The following TRPM2 variants were observed in gnomAD, a reference collection of about 807,000 sequenced individuals.
TRPM2 encodes estrogen-responsive element-associated gene 1 protein.
Under a neutral mutation model 174.0 loss-of-function variants are expected in TRPM2, and 161 were observed. That is an observed-to-expected ratio of 0.93 (90% confidence interval 0.81 to 1.05). The LOEUF is 1.05. Among genes scored for constraint, TRPM2 ranks in the 50% least tolerant of loss-of-function variants. The pLI is 0.00. For synonymous variants in TRPM2, 954 were observed against 861.3 expected, an observed-to-expected ratio of 1.11 and a Z score of -1.88; for missense variants, 2,057 against 2,038.0, an observed-to-expected ratio of 1.01 and a Z score of -0.18.
chr21:44,406,853 C>T, intron 19 of TRPM2, 88 bp downstream of exon 19: 1 of 1,487,242 alleles, frequency 6.7e-7, no homozygotes, highest in South Asian at 1.2e-5. Context: ...GGGAGTGAGG[C>T]CGGCTCCATC....
At chr21:44,394,852 T>C (rs1164927763) in intron 11 of TRPM2, among the ~76,000 whole-genome samples, 2 of 152,330 alleles carry the variant, frequency 1.3e-5, no homozygotes, top group East Asian at 1.9e-4. Flanking sequence ...TGGTTTTTTT[T>C]CTACTTCTGG....
At chr21:44,408,185 G>A (rs2049970604) in intron 19 of TRPM2, among the ~76,000 whole-genome samples, 1 of 152,074 alleles carries the variant, frequency 6.6e-6, no homozygotes, top group Non-Finnish European at 1.5e-5. Context: ...GACCTCAGGT[G>A]ATCCACCCGC....
At chr21:44,414,423 G>A (rs1476096916) in intron 20 of TRPM2, among the ~76,000 whole-genome samples, 3 of 152,220 alleles carry the variant, frequency 2.0e-5, no homozygotes, top group Non-Finnish European at 4.4e-5. Context: ...CTTCTGCGCA[G>A]GCGCAGCATT....
rs930817328 is a variant in TRPM2, at chr21:44,369,335, C to T, written c.763C>T (p.His255Tyr). 2 of 1,610,692 alleles carry T rather than the reference C, an allele frequency of 1.2e-6. No homozygotes were observed. The highest frequency in any genetic ancestry group is 1.7e-6 in the Non-Finnish European group (2 of 1,178,036). Residue 255 changes from histidine to tyrosine, a missense_variant, in exon 5 of 32, where the codon CAT becomes TAT. By Grantham distance (83) the His-to-Tyr change is moderately conservative. Coordinates refer to ENST00000397928, the MANE Select transcript of TRPM2 (RefSeq NM_003307.4). ...GTVHRREGLI[H>Y]PTGSFPAEYI... Reference sequence around the variant, plus strand: ...TGTCCACCGCCGCGAGGGCCTGATCCATCCCACGGTGAGTGCGGCCCCCTA... The same window carrying T: ...TGTCCACCGCCGCGAGGGCCTGATCTATCCCACGGTGAGTGCGGCCCCCTA...
intron 8 of TRPM2, among the ~76,000 whole-genome samples, chr21:44,381,907 CAAAAA>C (rs751389057): frequency 3.0e-5 from 2 of 66,888 alleles, no homozygotes; most frequent in African/African-American, 7.9e-5. Flanking sequence ...AAGTCTGTCT[CAAAAA>C]AAAAAAAAAA....
chr21:44,359,923 T>A (rs914708328), intron 2 of TRPM2, among the ~76,000 whole-genome samples: 2 of 151,996 alleles, frequency 1.3e-5, no homozygotes, highest in African/African-American at 4.8e-5. Flanking sequence ...AATTTTTGTA[T>A]TTTTAGTAGA....
intron 24 of TRPM2, chr21:44,425,222 G>C (rs535096404): frequency 2.7e-5 from 12 of 444,498 alleles, no homozygotes; most frequent in Admixed American, 2.7e-4. Flanking sequence ...ACTGCAGAGT[G>C]GGGGTGCGAG....
At chr21:44,358,149 C>A (rs1602117799) in intron 2 of TRPM2, among the ~76,000 whole-genome samples, 1 of 152,348 alleles carries the variant, frequency 6.6e-6, no homozygotes. Context: ...ACTGCTTAGC[C>A]CCACGTCCTG....
chr21:44,405,894 C>T lies in TRPM2; in HGVS notation c.2658-11C>T. The T allele has an allele frequency of 6.3e-7, 1 of 1,599,322 alleles. No individual in the cohort carries two copies. On this transcript the variant is annotated splice_polypyrimidine_tract_variant and intron_variant, in intron 17 of 31. Transcript: ENST00000397928. ...GTGGCTGAGATGTGTGTGCTTCTGC[C>T]CGGCGGCCAGGCTCATCCCGGCGAC... is the stretch of plus-strand genomic sequence containing the variant.
intron 2 of TRPM2, among the ~76,000 whole-genome samples, chr21:44,359,076 GC>G (rs2048137943): frequency 3.3e-5 from 5 of 152,042 alleles, no homozygotes; most frequent in Admixed American, 6.5e-5. Flanking sequence ...ATTTTACAGA[GC>G]ACTGCTTGGT....
chr21:44,400,517 A>G (rs1370680997), intron 15 of TRPM2, 146 bp downstream of exon 15: 1 of 741,364 alleles, frequency 1.3e-6, no homozygotes, highest in African/African-American at 1.8e-5. Flanking sequence ...GGCTGTAGAG[A>G]TGGGGGTGGG....
rs1215109323 is a variant in TRPM2, at chr21:44,391,591, G to A, written c.1760G>A (p.Arg587Gln). 4 of 1,587,376 alleles carry A rather than the reference G, an allele frequency of 2.5e-6. No homozygotes were observed. The highest frequency in any genetic ancestry group is 1.1e-5 in the South Asian group (1 of 89,774). ...CGGCCCCGGCACAACGACCGGCTGC[G>A]GCTCCTGCTGCCCGTTCCCCACGTC... ...YPRPRHNDRL[R>Q]LLLPVPHVKL... The change falls in exon 11 of 32, where the codon CGG becomes CAG. Residue 587 changes from arginine to glutamine, a missense_variant. Arg to Gln is a conservative substitution (Grantham distance 43). Transcript: ENST00000397928. The surrounding 1 kb of genome is among the most constrained non-coding windows in gnomAD (Gnocchi z 5.0).
rs777199068 is a variant in TRPM2 at position 44,425,759 on chromosome 21, C to G, written c.3727C>G (p.Arg1243Gly). 2 of 1,595,384 alleles carry G rather than the reference C, an allele frequency of 1.3e-6. No homozygotes were observed. Among genetic ancestry groups the G allele is most frequent in the South Asian group, 1.1e-5 (1 of 89,278 alleles). ...GGGCGACAGCTACCACGTGAATGCC[C>G]GGCACCTCCTCTACCCCAACTGCCC... Reference protein sequence around the residue: ...EPGDSYHVNARHLLYPNCPVT... With the variant: ...EPGDSYHVNAGHLLYPNCPVT... The change falls in exon 25 of 32, where the codon CGG (arginine) becomes GGG (glycine). Residue 1243 changes from arginine (R) to glycine (G), a missense_variant. By Grantham distance (125) the Arg-to-Gly change is moderately radical. Transcript: ENST00000397928.
At chr21:44,422,354 C>T (rs755774890) in intron 22 of TRPM2, 39 of 1,535,972 alleles carry the variant, frequency 2.5e-5, no homozygotes, top group Middle Eastern at 1.7e-4. Context: ...TGGAATCACG[C>T]GGGTCCGAGA....
chr21:44,435,031 CG>C (rs2051183135), intron 27 of TRPM2, 99 bp from the exon 28 acceptor site: 1 of 1,173,302 alleles, frequency 8.5e-7, no homozygotes, highest in Admixed American at 1.9e-5. Context: ...CGCTGTGCGC[CG>C]GCTCCTGACG....
chr21:44,386,585 A>C (rs2049023728), intron 9 of TRPM2, among the ~76,000 whole-genome samples: 1 of 152,220 alleles, frequency 6.6e-6, no homozygotes, highest in Non-Finnish European at 1.5e-5. Flanking sequence ...TTGCTGAAAG[A>C]AATGAAAGAA....
chr21:44,438,608 T>C lies in TRPM2; in HGVS notation c.4168-459T>C, dbSNP rs1477772339. Among the ~76,000 whole-genome samples the C allele has an allele frequency of 6.6e-6, 1 of 151,846 alleles. No individual in the cohort carries two copies. Among genetic ancestry groups the C allele is most frequent in the Non-Finnish European group, 1.5e-5 (1 of 67,976 alleles). ...GCTGGGTCCCTGAGTCAGGTGGCGC[T>C]CGGGAGCGTCTGGGAGCCCAGCCAG... On this transcript the variant is annotated intron_variant, in intron 29 of 31. Coordinates refer to ENST00000397928, the MANE Select transcript of TRPM2 (RefSeq NM_003307.4). The surrounding 1 kb of genome is among the most constrained non-coding windows in gnomAD (Gnocchi z 5.9).
rs771959410 is a variant in TRPM2, at chr21:44,413,934, C to A, written c.3006C>A (p.Asp1002Glu). Residue 1002 changes from aspartate (D) to glutamate (E), a missense_variant, in exon 20 of 32, where the codon GAC becomes GAA. Asp to Glu is a conservative substitution (Grantham distance 45). Coordinates refer to ENST00000397928, the MANE Select transcript of TRPM2 (RefSeq NM_003307.4). ...NPEHCSPNGTDPYKPKCPESD... is the reference protein window; with the variant it reads ...NPEHCSPNGTEPYKPKCPESD... ...AGCACTGCAGCCCCAATGGCACCGACCCCTACAAGCCTAAGTGCCCCGAGA... is the reference window on the plus strand; with the variant it reads ...AGCACTGCAGCCCCAATGGCACCGAACCCTACAAGCCTAAGTGCCCCGAGA... 1.9e-6 allele frequency: 3 copies of A among 1,613,972 alleles called. No individual in the cohort carries two copies. The highest frequency in any genetic ancestry group is 2.5e-6 in the Non-Finnish European group (3 of 1,179,980).
Position 44,439,028 on chromosome 21 carries a change from G to T in TRPM2, c.4168-39G>T, listed in dbSNP as rs768914740. 3 of 1,571,656 alleles carry T rather than the reference G, an allele frequency of 1.9e-6. No homozygotes were observed. The highest frequency in any genetic ancestry group is 2.6e-6 in the Non-Finnish European group (3 of 1,147,702). ...CCAGGGCAGCCTGAGGTCCCGCTTC[G>T]GTGCCCTGTTGACCTGCCTCCGTCC... On this transcript the variant is annotated intron_variant, in intron 29 of 31. Coordinates refer to ENST00000397928, the MANE Select transcript of TRPM2 (RefSeq NM_003307.4). This position sits in a 1 kb window ranked among gnomAD's most constrained non-coding sequence, Gnocchi z 5.1.
Sources: allele counts gnomAD v4.1 joint callset (sites outside exome capture counted in the v4.1 genomes callset), GRCh38; gene constraint gnomAD v4.1.1; non-coding constraint Gnocchi (gnomAD v3.1); transcripts MANE v1.5; gene names NCBI Gene and HGNC (gene_info 2026-07-23, HGNC 2026-07-21).